Variants in ACACA observed in about 807,000 individuals in gnomAD.
The protein encoded by ACACA is acetyl-CoA carboxylase 1.
In ACACA, 103 loss-of-function variants were observed where a neutral mutation model predicts 296.1. The ratio of observed to expected loss-of-function variants is 0.35; its 90% CI spans 0.30 to 0.41. The LOEUF (loss-of-function observed/expected upper bound fraction) is 0.41, where lower values mean the gene tolerates loss of function less well. ACACA is among the 10% of genes least tolerant of loss of function. The pLI is 1.00. For synonymous variants in ACACA, 953 were observed against 1,038.6 expected, an observed-to-expected ratio of 0.92 and a Z score of 1.58; for missense variants, 1,554 against 2,989.7, an observed-to-expected ratio of 0.52 and a Z score of 11.20.
At chr17:37,278,203 T>C (rs1213962381) in intron 5 of ACACA, among the ~76,000 whole-genome samples, 198 bp from the exon 6 acceptor site, 1 of 152,218 alleles carries the variant, frequency 6.6e-6, no homozygotes, top group Non-Finnish European at 1.5e-5. Flanking sequence ...GTTAATCCCA[T>C]ATTTAGAAGC....
chr17:37,139,215 C>T (rs2075457645), intron 45 of ACACA, among the ~76,000 whole-genome samples: 1 of 152,176 alleles, frequency 6.6e-6, no homozygotes, highest in South Asian at 2.1e-4. Flanking sequence ...AACCAATCTT[C>T]CTAAGGAACC....
chr17:37,391,556 G>T (rs2147811948), intron 1 of ACACA: 2 of 1,108,520 alleles, frequency 1.8e-6, no homozygotes, highest in Non-Finnish European at 1.4e-6. Context: ...AATTACATGG[G>T]GTTTTGTACT....
intron 3 of ACACA, among the ~76,000 whole-genome samples, chr17:37,318,559 G>C (rs2047200384): frequency 6.6e-6 from 1 of 152,020 alleles, no homozygotes. Context: ...TTTCAATAGT[G>C]GTTATTCTCA....
chr17:37,226,458 T>A lies in ACACA; in HGVS notation c.3247-6A>T, dbSNP rs753223532. ...TCCCGGCCACACAACTGATCCTAAT[T>A]GTTAATGTAAAAAAGAACATAGATA... On this transcript the variant is annotated splice_polypyrimidine_tract_variant and splice_region_variant and intron_variant, in intron 25 of 55. Coordinates refer to ENST00000616317, the MANE Select transcript of ACACA (RefSeq NM_198834.3). The A allele has an allele frequency of 6.2e-7, 1 of 1,607,792 alleles. No homozygotes were observed. Among genetic ancestry groups the A allele is most frequent in the East Asian group, 2.2e-5 (1 of 44,836 alleles).
intron 35 of ACACA, 79 bp from the exon 36 acceptor site, chr17:37,193,494 A>G: frequency 2.7e-6 from 3 of 1,092,642 alleles, no homozygotes; most frequent in South Asian, 1.3e-5. Flanking sequence ...AGAAACAGTT[A>G]AGCATTTAGA....
At chr17:37,128,494 T>G (rs902322280) in intron 47 of ACACA, among the ~76,000 whole-genome samples, 1 of 152,236 alleles carries the variant, frequency 6.6e-6, no homozygotes, top group Middle Eastern at 3.2e-3. Context: ...CTTTTATATA[T>G]AGCCTTTCTT....
chr17:37,204,557 T>C (rs1369215496), intron 33 of ACACA, among the ~76,000 whole-genome samples: 1 of 152,192 alleles, frequency 6.6e-6, no homozygotes, highest in African/African-American at 2.4e-5. Flanking sequence ...GCATTATTAT[T>C]GCTAATAAAT....
intron 35 of ACACA, among the ~76,000 whole-genome samples, chr17:37,194,286 CG>C (rs749232088): frequency 9.2e-5 from 14 of 151,958 alleles, no homozygotes; most frequent in Non-Finnish European, 1.3e-4. Context: ...GCAGAGAGAC[CG>C]GGACTAGCTG....
intron 35 of ACACA, among the ~76,000 whole-genome samples, chr17:37,193,704 T>G (rs957690479): frequency 6.6e-6 from 1 of 152,150 alleles, no homozygotes; most frequent in Non-Finnish European, 1.5e-5. Context: ...GAAAAAAATT[T>G]TTTTGCTAGG....
intron 50 of ACACA, among the ~76,000 whole-genome samples, chr17:37,121,032 C>A (rs1233749471): frequency 1.3e-5 from 2 of 152,180 alleles, no homozygotes; most frequent in Non-Finnish European, 2.9e-5. Flanking sequence ...AAAGTATATG[C>A]CCAGAAAAGA....
intron 20 of ACACA, 94 bp downstream of exon 20, chr17:37,244,986 C>T (rs759423543): frequency 6.4e-7 from 1 of 1,574,084 alleles, no homozygotes; most frequent in Non-Finnish European, 8.7e-7. Flanking sequence ...CTAAAGAAAA[C>T]ACTGGCAAAC....
intron 3 of ACACA, among the ~76,000 whole-genome samples, chr17:37,286,086 C>T (rs745976881): frequency 3.7e-4 from 56 of 152,228 alleles, no homozygotes; most frequent in Non-Finnish European, 6.9e-4. Context: ...GACAAGGTTT[C>T]GCCATGTTGA....
At chr17:37,404,423 T>C (rs1220446938) in intron 1 of ACACA, among the ~76,000 whole-genome samples, 2 of 152,068 alleles carry the variant, frequency 1.3e-5, no homozygotes, top group East Asian at 3.9e-4. Flanking sequence ...TCTCGATACG[T>C]TGCCTAGACT....
intron 24 of ACACA, among the ~76,000 whole-genome samples, chr17:37,238,664 C>G (rs972545129): frequency 6.6e-6 from 1 of 152,094 alleles, no homozygotes; most frequent in Admixed American, 6.5e-5. Context: ...TAGGAAGAAT[C>G]GGCACCTAAT....
intron 1 of ACACA, among the ~76,000 whole-genome samples, chr17:37,401,624 A>G (rs1797638107): frequency 6.7e-6 from 1 of 149,966 alleles, no homozygotes; most frequent in African/African-American, 2.5e-5. Flanking sequence ...AAGTGGCACA[A>G]TCACGGTCAC....
intron 41 of ACACA, among the ~76,000 whole-genome samples, chr17:37,174,661 T>C (rs2077040828): frequency 6.6e-6 from 1 of 151,982 alleles, no homozygotes; most frequent in African/African-American, 2.4e-5. Flanking sequence ...GCCTGCCAAG[T>C]AGCTGGGACT....
chr17:37,098,879 C>T (rs2073156586), intron 52 of ACACA, among the ~76,000 whole-genome samples: 1 of 152,194 alleles, frequency 6.6e-6, no homozygotes, highest in Non-Finnish European at 1.5e-5. Context: ...CTATGGTGTG[C>T]CTTTCTTCCT....
intron 3 of ACACA, among the ~76,000 whole-genome samples, chr17:37,301,207 A>G (rs2083600881): frequency 6.6e-6 from 1 of 152,236 alleles, no homozygotes; most frequent in Non-Finnish European, 1.5e-5. Context: ...CTAACACAGC[A>G]TACCCAGGTC....
At chr17:37,199,812 T>C (rs2078164750) in intron 35 of ACACA, among the ~76,000 whole-genome samples, 1 of 131,146 alleles carries the variant, frequency 7.6e-6, no homozygotes, top group Non-Finnish European at 1.5e-5. Context: ...ATATTGAGAA[T>C]TCATTATAGG....
Sources: allele counts gnomAD v4.1 joint callset (sites outside exome capture counted in the v4.1 genomes callset), GRCh38; gene constraint gnomAD v4.1.1; transcripts MANE v1.5; gene names NCBI Gene and HGNC (gene_info 2026-07-23, HGNC 2026-07-21).